Variants in ARMC2 observed in about 807,000 individuals in gnomAD.
ARMC2 encodes the protein armadillo repeat-containing protein 2.
A neutral mutation model predicts 90.3 loss-of-function variants in ARMC2; 67 were observed. The observed-to-expected ratio is 0.74, with a 90% CI of 0.61 to 0.91. The LOEUF (loss-of-function observed/expected upper bound fraction) is 0.91, where lower values mean the gene tolerates loss of function less well. Ranked by LOEUF, ARMC2 falls within the 40% of genes least tolerant of loss-of-function variation. The pLI is 0.00. For missense variants in ARMC2, 920 were observed against 1,030.9 expected (o/e 0.89, Z 1.47); for synonymous variants, 393 against 393.0 (o/e 1.00, Z 0.00).
chr6:108,954,226 A>G (rs1332979735), intron 13 of ARMC2, among the ~76,000 whole-genome samples: 2 of 152,178 alleles, frequency 1.3e-5, no homozygotes, highest in African/African-American at 2.4e-5. Flanking sequence ...TGGGCACACA[A>G]TTCAGTCCAT....
intron 12 of ARMC2, among the ~76,000 whole-genome samples, chr6:108,945,902 C>G: frequency 6.6e-6 from 1 of 152,218 alleles, no homozygotes; most frequent in Admixed American, 6.5e-5. Context: ...TCCCCTGGTG[C>G]CTTTGTAGGG....
the ARMC2 span, among the ~76,000 whole-genome samples, chr6:108,979,638 G>A: frequency 6.6e-6 from 1 of 152,056 alleles, no homozygotes; most frequent in East Asian, 1.9e-4. Context: ...CCAATCAGAC[G>A]TAGATTTGGT....
rs190566343 is a variant in ARMC2, at chr6:108,901,546, G to T, written c.847+1754G>T. 1.6e-4 allele frequency among the ~76,000 whole-genome samples: 25 copies of T among 151,938 alleles called. No homozygotes were observed. The East Asian group carries it at 4.8e-3, about 29-fold the overall frequency. ...TTCTTGTGCCTCTGCTTCCTCAGTG[G>T]CTGGGATGACAGGTGCGCACCACCA... On this transcript the variant is annotated intron_variant, in intron 7 of 17. Transcript: ENST00000392644.
At chr6:108,961,786 C>T in intron 14 of ARMC2, 92 bp downstream of exon 14, 2 of 1,388,694 alleles carry the variant, frequency 1.4e-6, no homozygotes, top group East Asian at 2.3e-5. Context: ...TTACTATCTT[C>T]TGCCTTCTGG....
At chr6:108,907,739 T>C in intron 8 of ARMC2, 1 of 1,610,610 alleles carries the variant, frequency 6.2e-7, no homozygotes. Flanking sequence ...GTACTTGTAG[T>C]ACCAGTAGTA....
rs570469150 is a variant in ARMC2 at position 108,855,651 on chromosome 6, A to G, written c.218+1166A>G. ...TAAGAAACTGCCAAACTGTCTTCCA[A>G]AGGGGCTATATCATTTTGCCTTCCC... On this transcript the variant is annotated intron_variant, in intron 2 of 17. Coordinates refer to ENST00000392644, the MANE Select transcript of ARMC2 (RefSeq NM_032131.6). Among the ~76,000 whole-genome samples, 4 of 152,330 alleles carry G rather than the reference A, an allele frequency of 2.6e-5. No homozygotes were observed. The South Asian group carries it at 6.2e-4, about 24-fold the overall frequency.
At chr6:109,028,145 CT>C in the ARMC2 span, among the ~76,000 whole-genome samples, 11 of 149,358 alleles carry the variant, frequency 7.4e-5, no homozygotes, top group Non-Finnish European at 1.5e-5. Context: ...AGGTTGTAAA[CT>C]TTTTTTCCCC....
At chr6:108,918,286 C>G (rs964700633) in intron 10 of ARMC2, among the ~76,000 whole-genome samples, 1 of 151,988 alleles carries the variant, frequency 6.6e-6, no homozygotes, top group African/African-American at 2.4e-5. Flanking sequence ...AAGGATGGGT[C>G]AGCTTTGGCA....
At chr6:108,954,746 G>T (rs774631032) in intron 13 of ARMC2, among the ~76,000 whole-genome samples, 1 of 152,134 alleles carries the variant, frequency 6.6e-6, no homozygotes, top group Non-Finnish European at 1.5e-5. Context: ...GGCCTCCCTC[G>T]CCCCCACTAG....
chr6:108,895,501 A>AG (rs1554245271), intron 6 of ARMC2, among the ~76,000 whole-genome samples: 7 of 149,540 alleles, frequency 4.7e-5, no homozygotes, highest in African/African-American at 1.5e-4. Flanking sequence ...AAAAAAAAAA[A>AG]GATAATTGCT....
Position 108,965,001 on chromosome 6 carries a change from T to G in ARMC2, c.2307T>G (p.Asp769Glu), listed in dbSNP as rs750517234. ...GIKKLVDCLRDLGPTDWQLAC... is the reference protein window; with the variant it reads ...GIKKLVDCLRELGPTDWQLAC... ...TCAGGTTAGTGGACTGTTTAAGAGA[T>G]TTGGGTCCTACTGATTGGCAGCTGG... Residue 769 changes from aspartate (D) to glutamate (E), a missense_variant, in exon 17 of 18, where the codon GAT (aspartate) becomes GAG (glutamate). By Grantham distance (45) the Asp-to-Glu change is conservative (BLOSUM62 2). Transcript: ENST00000392644. 1.2e-6 allele frequency: 2 copies of G among 1,612,174 alleles called. No individual in the cohort carries two copies. The highest frequency in any genetic ancestry group is 3.3e-5 in the Admixed American group (2 of 59,986).
At chr6:108,948,048 A>G (rs1303682171) in intron 12 of ARMC2, among the ~76,000 whole-genome samples, 1 of 152,180 alleles carries the variant, frequency 6.6e-6, no homozygotes, top group Non-Finnish European at 1.5e-5. Flanking sequence ...TCCGCTGTGG[A>G]ATTGGTGCTC....
intron 17 of ARMC2, among the ~76,000 whole-genome samples, chr6:108,972,757 G>A (rs1022132574): frequency 2.0e-5 from 3 of 151,920 alleles, no homozygotes; most frequent in Non-Finnish European, 4.4e-5. Context: ...TCAATGTCCC[G>A]TGCTCAAGTG....
the ARMC2 span, among the ~76,000 whole-genome samples, chr6:109,006,878 T>G: frequency 1.3e-5 from 2 of 152,202 alleles, no homozygotes; most frequent in Admixed American, 1.3e-4. Context: ...GTTAATTCAA[T>G]TATTCCTTCA....
chr6:108,857,907 T>G (rs1774811170), intron 2 of ARMC2, among the ~76,000 whole-genome samples: 1 of 152,188 alleles, frequency 6.6e-6, no homozygotes, highest in Non-Finnish European at 1.5e-5. Flanking sequence ...AATGAAATGG[T>G]TACTAGCAGT....
downstream of ARMC2, among the ~76,000 whole-genome samples, chr6:108,978,143 T>A (rs1779021364): frequency 6.6e-6 from 1 of 152,348 alleles, no homozygotes; most frequent in South Asian, 2.1e-4. Flanking sequence ...TTCAGTGCTA[T>A]AAATTTTCCT....
chr6:108,961,133 G>A (rs1403514535), intron 13 of ARMC2, among the ~76,000 whole-genome samples: 4 of 152,146 alleles, frequency 2.6e-5, no homozygotes, highest in East Asian at 1.9e-4. Context: ...AGTCACAGAC[G>A]GATCGTGACC....
At chr6:109,006,953 G>C in the ARMC2 span, among the ~76,000 whole-genome samples, 1 of 152,162 alleles carries the variant, frequency 6.6e-6, no homozygotes, top group African/African-American at 2.4e-5. Context: ...GATTCTAGGA[G>C]ACAGAACTGC....
intron 4 of ARMC2, among the ~76,000 whole-genome samples, chr6:108,870,154 A>C (rs1006080310): frequency 5.9e-5 from 9 of 152,256 alleles, no homozygotes; most frequent in African/African-American, 2.2e-4. Context: ...GTCACAGAGA[A>C]TTGGGGAGAG....
Sources: allele counts gnomAD v4.1 joint callset (sites outside exome capture counted in the v4.1 genomes callset), GRCh38; gene constraint gnomAD v4.1.1; transcripts MANE v1.5; gene names NCBI Gene and HGNC (gene_info 2026-07-23, HGNC 2026-07-21).